PTPRD: variants seen among roughly 807,000 people sequenced by gnomAD.
PTPRD encodes protein tyrosine phosphatase receptor type D.
A neutral mutation model predicts 214.5 loss-of-function variants in PTPRD; 34 were observed. That is an observed-to-expected ratio of 0.16 (90% CI 0.12 to 0.21). The LOEUF (loss-of-function observed/expected upper bound fraction) is 0.21. Among genes scored for constraint, PTPRD ranks in the 10% least tolerant of loss-of-function variants. The pLI, the probability that PTPRD is intolerant of heterozygous loss-of-function variation, is 1.00. For missense variants in PTPRD, 2,545 were observed against 2,398.7 expected (o/e 1.06, Z -1.27); for synonymous variants, 1,128 against 845.7 (o/e 1.33, Z -5.79).
chr9:10,276,129 C>T (rs1311272771), intron 3 of PTPRD, among the ~76,000 whole-genome samples: 4 of 152,132 alleles, frequency 2.6e-5, no homozygotes, highest in African/African-American at 9.7e-5. Context: ...CAGATAGTAA[C>T]CATAGAAAAT....
intron 4 of PTPRD, among the ~76,000 whole-genome samples, chr9:9,989,765 G>A (rs2096316): frequency 0.62 from 94,125 of 152,006 alleles, 29,582 homozygotes; most frequent in Middle Eastern, 0.75. Flanking sequence ...ACACCCGCTG[G>A]GGCTCCAGGG....
intron 2 of PTPRD, among the ~76,000 whole-genome samples, chr9:10,566,522 T>C (rs1044619872): frequency 1.3e-5 from 2 of 152,052 alleles, no homozygotes; most frequent in Non-Finnish European, 2.9e-5. Flanking sequence ...ATTTCCTCTT[T>C]GTGAAATGCC....
chr9:9,817,889 T>C lies in PTPRD; in HGVS notation c.-367-51038A>G, dbSNP rs558882689. Reference sequence around the variant, plus strand: ...GCTGTGCCTGCCATTGTGGAGCTAGTTAGCAAGATCAATGTACAGGATACT... The same window carrying C: ...GCTGTGCCTGCCATTGTGGAGCTAGCTAGCAAGATCAATGTACAGGATACT... On this transcript the variant is annotated intron_variant, in intron 5 of 45. Transcript: ENST00000381196. 3.3e-5 allele frequency among the ~76,000 whole-genome samples: 5 copies of C among 152,286 alleles called. No individual in the cohort carries two copies. The South Asian group carries it at 1.0e-3, about 32-fold the overall frequency.
chr9:9,878,971 T>A (rs986172468), intron 5 of PTPRD, among the ~76,000 whole-genome samples: 1 of 152,204 alleles, frequency 6.6e-6, no homozygotes, highest in African/African-American at 2.4e-5. Context: ...AATGGATGAA[T>A]GAATAAATGG....
At chr9:9,879,623 G>A (rs10124209) in intron 5 of PTPRD, among the ~76,000 whole-genome samples, 12,564 of 152,158 alleles carry the variant, frequency 0.083, 1,225 homozygotes, top group African/African-American at 0.24. Flanking sequence ...ACATCTGTCA[G>A]ACCAGGAATA....
chr9:9,614,851 TAGGC>T (rs2094756393), intron 7 of PTPRD, among the ~76,000 whole-genome samples: 1 of 152,202 alleles, frequency 6.6e-6, no homozygotes, highest in Admixed American at 6.5e-5. Flanking sequence ...CTGCATTCGT[TAGGC>T]ATATCTGCTG....
At chr9:10,518,354 A>G (rs370341380) in intron 2 of PTPRD, among the ~76,000 whole-genome samples, 1 of 152,150 alleles carries the variant, frequency 6.6e-6, no homozygotes, top group Admixed American at 6.5e-5. Flanking sequence ...TATCGTATCT[A>G]TTAATTACCT....
chr9:8,625,124 A>C (rs1265864182), intron 14 of PTPRD, among the ~76,000 whole-genome samples: 5 of 151,834 alleles, frequency 3.3e-5, no homozygotes, highest in Non-Finnish European at 7.4e-5. Context: ...TAAAAGTCTC[A>C]AGACATAAAG....
rs146015173 is a variant in PTPRD, at chr9:8,837,262, G to A, written c.-103-103316C>T. On this transcript the variant is annotated intron_variant, in intron 11 of 45. Transcript: ENST00000381196. The stretch of plus-strand genomic sequence containing the variant: ...ACTCCTGGCCTCAAGTGATCTGCCC[G>A]CCTTGGCCTCCCGAAGTGCTGGGAT... Among the ~76,000 whole-genome samples the A allele has an allele frequency of 1.5e-3, 233 of 150,988 alleles. 1 individual carries two copies. Among genetic ancestry groups the A allele is most frequent in the East Asian group, 0.014 (71 of 5,020 alleles).
At chr9:10,333,416 C>T (rs2096787857) in intron 3 of PTPRD, among the ~76,000 whole-genome samples, 1 of 151,724 alleles carries the variant, frequency 6.6e-6, no homozygotes, top group Non-Finnish European at 1.5e-5. Context: ...CAGCTATTTT[C>T]TCTATTTCCT....
At chr9:8,703,571 T>G (rs1336130533) in intron 12 of PTPRD, among the ~76,000 whole-genome samples, 4 of 152,218 alleles carry the variant, frequency 2.6e-5, no homozygotes, top group Non-Finnish European at 5.9e-5. Context: ...TGGATTTTCC[T>G]CCAACTCTAT....
intron 14 of PTPRD, among the ~76,000 whole-genome samples, chr9:8,630,261 G>A (rs2096209811): frequency 1.3e-5 from 2 of 151,794 alleles, no homozygotes; most frequent in East Asian, 1.9e-4. Flanking sequence ...CAGAGTGCCT[G>A]AGTGTCCGCC....
Position 10,569,475 on chromosome 9 carries a change from A to T in PTPRD, c.-600+42923T>A, listed in dbSNP as rs115329665. 4.2e-3 allele frequency among the ~76,000 whole-genome samples: 638 copies of T among 151,814 alleles called. 5 individuals are homozygous for T. The highest frequency in any genetic ancestry group is 0.015 in the African/African-American group (606 of 41,376). ...CATTCTCTTTAATCTGAGTTACTAA[A>T]ATTCATCCTGTATACTTGTGTATAT... is the stretch of plus-strand genomic sequence containing the variant. On this transcript the variant is annotated intron_variant, in intron 2 of 45. Coordinates refer to ENST00000381196, the MANE Select transcript of PTPRD (RefSeq NM_002839.4).
At chr9:9,715,143 C>T (rs1327782843) in intron 7 of PTPRD, among the ~76,000 whole-genome samples, 1 of 152,162 alleles carries the variant, frequency 6.6e-6, no homozygotes, top group African/African-American at 2.4e-5. Flanking sequence ...TGTCACTGGA[C>T]TTCACATTTT....
chr9:10,411,715 T>C (rs983535503), intron 2 of PTPRD, among the ~76,000 whole-genome samples: 1 of 151,814 alleles, frequency 6.6e-6, no homozygotes, highest in Non-Finnish European at 1.5e-5. Flanking sequence ...AATAATTCTT[T>C]AATATACCCT....
At chr9:9,210,822 CT>C (rs1369209136) in intron 9 of PTPRD, among the ~76,000 whole-genome samples, 1 of 151,348 alleles carries the variant, frequency 6.6e-6, no homozygotes, top group Admixed American at 6.6e-5. Context: ...ACAAATGTAT[CT>C]TTAGTTTCAA....
chr9:9,418,912 T>C (rs1160569665), intron 8 of PTPRD, among the ~76,000 whole-genome samples: 2 of 151,868 alleles, frequency 1.3e-5, no homozygotes, highest in African/African-American at 4.8e-5. Context: ...GAATTGGGCT[T>C]TTAGTTGATA....
At chr9:8,372,409 T>C (rs1482229514) in intron 39 of PTPRD, among the ~76,000 whole-genome samples, 1 of 152,070 alleles carries the variant, frequency 6.6e-6, no homozygotes, top group African/African-American at 2.4e-5. Context: ...GTATCTATTT[T>C]ATGTCATCTT....
Position 9,331,592 on chromosome 9 carries a change from G to A in PTPRD, c.-203+65857C>T, listed in dbSNP as rs942112192. Among the ~76,000 whole-genome samples the A allele has an allele frequency of 2.0e-5, 3 of 151,988 alleles. No homozygotes were observed. The East Asian group carries it at 5.8e-4, about 29-fold the overall frequency. ...GGATGATCTCTGACCTATAAAAGGG[G>A]TATGTTTTACAAATTGAAAGCCAGA... On this transcript the variant is annotated intron_variant, in intron 9 of 45. Coordinates refer to ENST00000381196, the MANE Select transcript of PTPRD (RefSeq NM_002839.4).
Sources: gnomAD v4.1 joint callset for allele counts (sites outside exome capture counted in the v4.1 genomes callset) on GRCh38, gnomAD v4.1.1 for gene constraint, MANE v1.5 for transcripts, NCBI Gene and HGNC (gene_info 2026-07-23, HGNC 2026-07-21) for gene names.